PPFIA2: variants seen among roughly 807,000 people sequenced by gnomAD.
PPFIA2 encodes liprin-alpha-2.
A neutral mutation model predicts 175.5 loss-of-function variants in PPFIA2; 46 were observed. The observed-to-expected ratio is 0.26, with a 90% CI of 0.21 to 0.34. The LOEUF (loss-of-function observed/expected upper bound fraction) is 0.34. PPFIA2 is among the 10% of genes least tolerant of loss of function. PPFIA2 has a pLI of 1.00. For synonymous variants in PPFIA2, 568 were observed against 511.4 expected (o/e 1.11, Z -1.49); for missense variants, 1,179 against 1,506.1 (o/e 0.78, Z 3.60).
intron 4 of PPFIA2, among the ~76,000 whole-genome samples, chr12:81,484,303 C>A (rs1239489140): frequency 6.6e-6 from 1 of 151,852 alleles, no homozygotes; most frequent in Non-Finnish European, 1.5e-5. Flanking sequence ...GTGGTTTTAA[C>A]CACAGTGATG....
At chr12:81,326,535 G>A (rs192108852) in intron 21 of PPFIA2, among the ~76,000 whole-genome samples, 2 of 152,066 alleles carry the variant, frequency 1.3e-5, no homozygotes, top group African/African-American at 4.8e-5. Context: ...CTTCAAAAGA[G>A]CTTGATAAAA....
chr12:81,703,062 G>A lies in PPFIA2; in HGVS notation c.250-26218C>T, dbSNP rs116767580. ...TACAGCAGCACAAGTAGACTAAGAC[G>A]CCGGTGTTCCCCAGAGTTCAGTCCA... On this transcript the variant is annotated intron_variant, in intron 3 of 32. Coordinates refer to ENST00000549396, the MANE Select transcript of PPFIA2 (RefSeq NM_003625.5). 4.2e-3 allele frequency among the ~76,000 whole-genome samples: 644 copies of A among 152,194 alleles called. 7 individuals are homozygous for A. Among genetic ancestry groups the A allele is most frequent in the African/African-American group, 0.015 (623 of 41,540 alleles).
Position 81,670,020 on chromosome 12 carries a change from C to T in PPFIA2, c.303+6771G>A, listed in dbSNP as rs139857260. 1.0e-2 allele frequency among the ~76,000 whole-genome samples: 1,516 copies of T among 151,968 alleles called. 8 individuals carry two copies. The highest frequency in any genetic ancestry group is 0.014 in the Non-Finnish European group (971 of 67,918). ...TTCTAAATAAATTGTGAAGACAAAG[C>T]CGAATTATGACTTTAAGTGTTTGGC... On this transcript the variant is annotated intron_variant, in intron 4 of 32. Transcript: ENST00000549396.
intron 4 of PPFIA2, among the ~76,000 whole-genome samples, chr12:81,569,261 T>C (rs1276033726): frequency 6.6e-6 from 1 of 152,196 alleles, no homozygotes; most frequent in Non-Finnish European, 1.5e-5. Flanking sequence ...GCATTAGATT[T>C]CTTACAATTT....
intron 17 of PPFIA2, among the ~76,000 whole-genome samples, chr12:81,349,787 T>C (rs900236635): frequency 6.6e-6 from 1 of 152,164 alleles, no homozygotes; most frequent in African/African-American, 2.4e-5. Context: ...CAGACAATAG[T>C]AGCTAACTAT....
At chr12:81,363,175 G>A (rs1664339009) in intron 14 of PPFIA2, among the ~76,000 whole-genome samples, 1 of 151,378 alleles carries the variant, frequency 6.6e-6, no homozygotes, top group African/African-American at 2.4e-5. Flanking sequence ...AAGGACATAT[G>A]GGTGAAGGAA....
chr12:81,357,831 T>C (rs1040298339), intron 16 of PPFIA2, among the ~76,000 whole-genome samples: 1 of 152,208 alleles, frequency 6.6e-6, no homozygotes, highest in African/African-American at 2.4e-5. Flanking sequence ...TGTTTTTATG[T>C]CTGAACTTAG....
At chr12:81,568,484 G>C (rs1233436429) in intron 4 of PPFIA2, among the ~76,000 whole-genome samples, 1 of 152,096 alleles carries the variant, frequency 6.6e-6, no homozygotes, top group Non-Finnish European at 1.5e-5. Flanking sequence ...TTCCTGAATG[G>C]GTGGCCGGCC....
At chr12:81,656,813 T>C (rs1489713372) in intron 4 of PPFIA2, among the ~76,000 whole-genome samples, 4 of 151,796 alleles carry the variant, frequency 2.6e-5, no homozygotes, top group Non-Finnish European at 5.9e-5. Context: ...CCTATAATAC[T>C]TATAAATCTT....
intron 8 of PPFIA2, among the ~76,000 whole-genome samples, chr12:81,385,893 A>G (rs548790703): frequency 6.6e-6 from 1 of 152,262 alleles, no homozygotes; most frequent in Non-Finnish European, 1.5e-5. Context: ...TGATGGATAT[A>G]TTAACTTGAT....
At chr12:81,735,801 G>C (rs1235877361) in intron 3 of PPFIA2, among the ~76,000 whole-genome samples, 1 of 151,736 alleles carries the variant, frequency 6.6e-6, no homozygotes, top group Non-Finnish European at 1.5e-5. Flanking sequence ...TTGTGCATTT[G>C]AATAGCCAAT....
intron 9 of PPFIA2, among the ~76,000 whole-genome samples, chr12:81,382,806 C>A (rs1298164127): frequency 4.6e-5 from 7 of 151,938 alleles, no homozygotes; most frequent in African/African-American, 1.5e-4. Flanking sequence ...GAAAGAAGGA[C>A]AAGTTGGAGA....
intron 4 of PPFIA2, among the ~76,000 whole-genome samples, chr12:81,580,961 G>A (rs116313580): frequency 0.011 from 1,616 of 151,794 alleles, 35 homozygotes; most frequent in African/African-American, 0.036. Flanking sequence ...TGAGGTAAGC[G>A]CAACATTATA....
intron 4 of PPFIA2, among the ~76,000 whole-genome samples, chr12:81,536,235 A>C (rs1308135542): frequency 6.6e-6 from 1 of 151,744 alleles, no homozygotes; most frequent in Non-Finnish European, 1.5e-5. Context: ...AAACAAGATA[A>C]ATGTATCATC....
At chr12:81,757,297 A>T (rs1201825034) in intron 2 of PPFIA2, among the ~76,000 whole-genome samples, 2 of 152,214 alleles carry the variant, frequency 1.3e-5, no homozygotes, top group Non-Finnish European at 2.9e-5. Flanking sequence ...AACTTTTATA[A>T]TCAGTATCAA....
intron 22 of PPFIA2, 48 bp downstream of exon 22, chr12:81,325,729 A>G (rs1463421666): frequency 7.8e-7 from 1 of 1,286,332 alleles, no homozygotes; most frequent in African/African-American, 1.5e-5. Context: ...AAATAATAAT[A>G]AGGAATTGAT....
In PPFIA2 at chr12:81,377,550, T is replaced by G. The variant is rs560506864; in HGVS notation, c.985-1608A>C. Among the ~76,000 whole-genome samples, 395 of 151,168 alleles carry G rather than the reference T, an allele frequency of 2.6e-3. 1 individual carries two copies. The highest frequency in any genetic ancestry group is 8.9e-3 in the African/African-American group (366 of 41,212). ...CCTGGGCCACAGGGCAAGACTCCAT[T>G]TCAAGAAAAAAAAAAAAAGAAAAAG... On this transcript the variant is annotated intron_variant, in intron 9 of 32. Coordinates refer to ENST00000549396, the MANE Select transcript of PPFIA2 (RefSeq NM_003625.5).
chr12:81,530,970 A>G (rs1229729258), intron 4 of PPFIA2, among the ~76,000 whole-genome samples: 2 of 152,068 alleles, frequency 1.3e-5, no homozygotes, highest in Non-Finnish European at 1.5e-5. Flanking sequence ...TCAGATTTCA[A>G]TATATTAAGT....
chr12:81,743,477 G>A lies in PPFIA2; in HGVS notation c.249+10496C>T, dbSNP rs114607260. Among the ~76,000 whole-genome samples the A allele has an allele frequency of 4.8e-3, 719 of 148,458 alleles. 8 individuals are homozygous for A. Among genetic ancestry groups the A allele is most frequent in the African/African-American group, 0.017 (685 of 40,324 alleles). On this transcript the variant is annotated intron_variant, in intron 3 of 32. Coordinates refer to ENST00000549396, the MANE Select transcript of PPFIA2 (RefSeq NM_003625.5). ...CTGTAAAGGGAAAGATAAATGGTGGGGTGGCATCTTGGTAGAGTGGTGGGG... is the reference window on the plus strand; with the variant it reads ...CTGTAAAGGGAAAGATAAATGGTGGAGTGGCATCTTGGTAGAGTGGTGGGG...
Sources: gnomAD v4.1 joint callset for allele counts (sites outside exome capture counted in the v4.1 genomes callset) on GRCh38, gnomAD v4.1.1 for gene constraint, MANE v1.5 for transcripts, NCBI Gene and HGNC (gene_info 2026-07-23, HGNC 2026-07-21) for gene names.